The following DCUN1D5 variants were observed in gnomAD, a reference collection of about 807,000 sequenced individuals.
DCUN1D5 encodes the protein DCN1-like protein 5.
DCUN1D5 carries 10 observed loss-of-function variants against 38.3 expected under a neutral mutation model. The ratio of observed to expected loss-of-function variants is 0.26; its 90% confidence interval spans 0.16 to 0.44. The LOEUF is 0.44. Among genes scored for constraint, DCUN1D5 ranks in the 20% least tolerant of loss-of-function variants. The pLI is 1.00. For synonymous variants in DCUN1D5, 93 were observed against 90.9 expected, an observed-to-expected ratio of 1.02 and a Z score of -0.13; for missense variants, 148 against 275.3, an observed-to-expected ratio of 0.54 and a Z score of 3.27.
chr11:103,079,490 G>C (rs916524174), intron 4 of DCUN1D5, among the ~76,000 whole-genome samples: 1 of 152,110 alleles, frequency 6.6e-6, no homozygotes, highest in African/African-American at 2.4e-5. Context: ...CAACACTTTG[G>C]GAGGCCAAGG....
chr11:103,091,894 TG>T lies in DCUN1D5; in HGVS notation c.-23del, dbSNP rs1354227131. ...GCATCTTCCGCCCTCCCCGGCAGGG[TG>T]GGCAGGGGAGCCGGGGAAGGGGGTC... is the stretch of plus-strand genomic sequence containing the variant. On this transcript the variant is annotated 5_prime_UTR_variant, in exon 1 of 8. Coordinates refer to ENST00000260247, the MANE Select transcript of DCUN1D5 (RefSeq NM_032299.4). The surrounding 1 kb of genome is among the most constrained non-coding windows in gnomAD (Gnocchi z 4.3). 6.2e-7 allele frequency: 1 copy of T among 1,606,190 alleles called. No homozygotes were observed. Among genetic ancestry groups the T allele is most frequent in the Non-Finnish European group, 8.5e-7 (1 of 1,175,622 alleles).
In DCUN1D5 at chr11:103,091,222, G is replaced by A. The variant is rs1862856122; in HGVS notation, c.86+565C>T. Among the ~76,000 whole-genome samples the A allele has an allele frequency of 1.3e-5, 2 of 152,090 alleles. No individual in the cohort carries two copies. Among genetic ancestry groups the A allele is most frequent in the South Asian group, 4.2e-4 (2 of 4,804 alleles). On this transcript the variant is annotated intron_variant, in intron 1 of 7. Transcript: ENST00000260247. The surrounding 1 kb of genome is among the most constrained non-coding windows in gnomAD (Gnocchi z 4.3). ...AGGCACTATACTTCCAGAAAATGGG[G>A]CTCCTGCAATTTAAAAGGCCTCCTG...
rs868606251 is a variant in DCUN1D5 at position 103,061,711 on chromosome 11, T to C, written c.*648A>G. ...ATGATACAACTTAATAATACAACTT[T>C]TTTAGAAAACAAAACAACTGGACAT... On this transcript the variant is annotated 3_prime_UTR_variant, in exon 8 of 8. Transcript: ENST00000260247. Among the ~76,000 whole-genome samples, 29 of 152,224 alleles carry C rather than the reference T, an allele frequency of 1.9e-4. No individual in the cohort carries two copies. The highest frequency in any genetic ancestry group is 3.4e-3 in the Middle Eastern group (1 of 294).
At chr11:103,075,747 T>C (rs1024260574) in intron 4 of DCUN1D5, among the ~76,000 whole-genome samples, 4 of 152,208 alleles carry the variant, frequency 2.6e-5, no homozygotes, top group African/African-American at 9.6e-5. Context: ...ACACATTTAG[T>C]AGCCATATTG....
chr11:103,091,629 G>T lies in DCUN1D5; in HGVS notation c.86+158C>A. 3 of 1,352,288 alleles carry T rather than the reference G, an allele frequency of 2.2e-6. No homozygotes were observed. The highest frequency in any genetic ancestry group is 2.0e-6 in the Non-Finnish European group (2 of 976,378). The allele number at this position is 1,352,288 out of a possible 1,614,324, so 83.8% of individuals were successfully genotyped here. On this transcript the variant is annotated intron_variant, in intron 1 of 7. Coordinates refer to ENST00000260247, the MANE Select transcript of DCUN1D5 (RefSeq NM_032299.4). This position sits in a 1 kb window ranked among gnomAD's most constrained non-coding sequence, Gnocchi z 4.3. ...ACTCGAACACGAGGTCGGGTCGGGCGCGGAGACTCGCGGTGTTCGGCACCT... is the reference window on the plus strand; with the variant it reads ...ACTCGAACACGAGGTCGGGTCGGGCTCGGAGACTCGCGGTGTTCGGCACCT...
At chr11:103,074,074 C>T (rs1862344945) in intron 4 of DCUN1D5, among the ~76,000 whole-genome samples, 1 of 151,866 alleles carries the variant, frequency 6.6e-6, no homozygotes, top group Non-Finnish European at 1.5e-5. Context: ...CACTGGAGTG[C>T]AACAGAGTGA....
chr11:103,062,290 C>T lies in DCUN1D5; in HGVS notation c.*69G>A, dbSNP rs1049252. On this transcript the variant is annotated 3_prime_UTR_variant, in exon 8 of 8. Transcript: ENST00000260247. The surrounding 1 kb of genome is among the most constrained non-coding windows in gnomAD (Gnocchi z 4.6). ...GAAAATGCACCCGTTGGATTTTTTT[C>T]CCCCTCATCACATTAGCTTGTATAC... The T allele has an allele frequency of 1.4e-6, 2 of 1,443,792 alleles. No homozygotes were observed. Among genetic ancestry groups the T allele is most frequent in the Non-Finnish European group, 1.9e-6 (2 of 1,037,560 alleles). 89.4% of individuals were successfully genotyped at this position (1,443,792 alleles called of 1,614,324 possible).
At position 103,073,355 on chromosome 11, in the gene DCUN1D5, G is replaced by A. The variant is rs903791854; in HGVS notation, c.342-6788C>T. The stretch of plus-strand genomic sequence containing the variant: ...TAAGAGTATTCAAAGACTCAAAACA[G>A]TAAAAATGTCAATTCTCCCCAAATT... On this transcript the variant is annotated intron_variant, in intron 4 of 7. Transcript: ENST00000260247. This position sits in a 1 kb window ranked among gnomAD's most constrained non-coding sequence, Gnocchi z 4.2. 6.6e-6 allele frequency among the ~76,000 whole-genome samples: 1 copy of A among 152,084 alleles called. No homozygotes were observed. Among genetic ancestry groups the A allele is most frequent in the African/African-American group, 2.4e-5 (1 of 41,400 alleles).
rs189807785 is a variant in DCUN1D5, at chr11:103,058,033, T to C, written c.*4326A>G. 3.1e-3 allele frequency among the ~76,000 whole-genome samples: 477 copies of C among 152,220 alleles called. 1 individual carries two copies. Among genetic ancestry groups the C allele is most frequent in the Non-Finnish European group, 4.7e-3 (319 of 68,012 alleles). ...GCTATTAACTCCCATTTATGGACCA[T>C]AGAGCCAAAAATAAATGCAACAAAG... is the stretch of plus-strand genomic sequence containing the variant. On this transcript the variant is annotated 3_prime_UTR_variant, in exon 8 of 8. Transcript: ENST00000260247.
rs1251114227 is a variant in DCUN1D5, at chr11:103,064,607, A to T, written c.556-230T>A. 6.6e-6 allele frequency among the ~76,000 whole-genome samples: 1 copy of T among 152,032 alleles called. No individual in the cohort carries two copies. Among genetic ancestry groups the T allele is most frequent in the African/African-American group, 2.4e-5 (1 of 41,404 alleles). On this transcript the variant is annotated intron_variant, in intron 6 of 7. Transcript: ENST00000260247. The surrounding 1 kb of genome is among the most constrained non-coding windows in gnomAD (Gnocchi z 4.5). ...AGGAATAATAAGAGCACTGAGTACT[A>T]ACAGTAAGGATAAAACTAACTTTTT...
At chr11:103,067,898 A>G (rs1862172752) in intron 4 of DCUN1D5, among the ~76,000 whole-genome samples, 1 of 152,128 alleles carries the variant, frequency 6.6e-6, no homozygotes, top group Non-Finnish European at 1.5e-5. Flanking sequence ...TGAAAAGAGA[A>G]TTGCTACTTT....
rs1271156121 is a variant in DCUN1D5 at position 103,065,349 on chromosome 11, G to T, written c.555+920C>A. ...TGTGTGTATTTTTAGTAGAGACGGG[G>T]ATTCACCATGTTGGCCAGGCTGGTC... On this transcript the variant is annotated intron_variant, in intron 6 of 7. Transcript: ENST00000260247. The surrounding 1 kb of genome is among the most constrained non-coding windows in gnomAD (Gnocchi z 4.6). Among the ~76,000 whole-genome samples the T allele has an allele frequency of 6.6e-6, 1 of 152,052 alleles. No individual in the cohort carries two copies. The highest frequency in any genetic ancestry group is 1.5e-5 in the Non-Finnish European group (1 of 67,986).
intron 4 of DCUN1D5, among the ~76,000 whole-genome samples, chr11:103,076,028 A>T (rs1862399615): frequency 6.6e-6 from 1 of 152,198 alleles, no homozygotes. Context: ...TATGGAGATG[A>T]AGTCTTCATA....
At position 103,051,259 on chromosome 11, in the gene DCUN1D5, ATTAG is replaced by A; in HGVS notation, c.*11096_*11099del. On this transcript the variant is annotated 3_prime_UTR_variant, in exon 8 of 8. Transcript: ENST00000260247. ...TACTGGTTAAGGAAAAAAATGACTC[ATTAG>A]TAAGTAAAGTGACAAGCAGAACAAA... is the stretch of plus-strand genomic sequence containing the variant. The A allele has an allele frequency of 6.6e-6, 1 of 152,242 alleles. No individual in the cohort carries two copies. Among genetic ancestry groups the A allele is most frequent in the East Asian group, 1.9e-4 (1 of 5,200 alleles). 9.4% of individuals were successfully genotyped at this position (152,242 alleles called of 1,614,324 possible).
Position 103,086,658 on chromosome 11 carries a change from C to G in DCUN1D5, c.178+2569G>C, listed in dbSNP as rs1359839200. Among the ~76,000 whole-genome samples the G allele has an allele frequency of 6.6e-6, 1 of 152,112 alleles. No individual in the cohort carries two copies. Among genetic ancestry groups the G allele is most frequent in the Non-Finnish European group, 1.5e-5 (1 of 68,022 alleles). The stretch of plus-strand genomic sequence containing the variant: ...ACTGACTGTCTTCCTCACCAGAAGG[C>G]AAGTCCCCCAAAGGCAGGGATCTTG... On this transcript the variant is annotated intron_variant, in intron 2 of 7. Transcript: ENST00000260247. This position sits in a 1 kb window ranked among gnomAD's most constrained non-coding sequence, Gnocchi z 4.1.
At position 103,065,691 on chromosome 11, in the gene DCUN1D5, T is replaced by G. The variant is rs1005679099; in HGVS notation, c.555+578A>C. On this transcript the variant is annotated intron_variant, in intron 6 of 7. Transcript: ENST00000260247. This position sits in a 1 kb window ranked among gnomAD's most constrained non-coding sequence, Gnocchi z 4.6. ...ATCTTCTTAGAATCACTGCCTATAGTAGTTGCTATGATAAACCTTCTAAAA... is the reference window on the plus strand; with the variant it reads ...ATCTTCTTAGAATCACTGCCTATAGGAGTTGCTATGATAAACCTTCTAAAA... Among the ~76,000 whole-genome samples, 1 of 152,028 alleles carries G rather than the reference T, an allele frequency of 6.6e-6. No individual in the cohort carries two copies. Among genetic ancestry groups the G allele is most frequent in the Non-Finnish European group, 1.5e-5 (1 of 67,976 alleles).
At chr11:103,074,686 G>C (rs1335475640) in intron 4 of DCUN1D5, among the ~76,000 whole-genome samples, 5 of 152,214 alleles carry the variant, frequency 3.3e-5, no homozygotes, top group Non-Finnish European at 5.9e-5. Context: ...TTACAGGCGT[G>C]AGCCACCATG....
At chr11:103,070,108 T>A (rs1862234403) in intron 4 of DCUN1D5, among the ~76,000 whole-genome samples, 2 of 136,380 alleles carry the variant, frequency 1.5e-5, no homozygotes, top group Middle Eastern at 3.8e-3. Flanking sequence ...AAATATAAAG[T>A]CTCAGCAAAA....
chr11:103,066,685 G>T lies in DCUN1D5; in HGVS notation c.342-118C>A. ...TGAGCGCATTTATGAAGTTAATTTA[G>T]TTTTAAAATTCTGAGTCACAAATTT... On this transcript the variant is annotated intron_variant, in intron 4 of 7. Transcript: ENST00000260247. This position sits in a 1 kb window ranked among gnomAD's most constrained non-coding sequence, Gnocchi z 4.7. 1.8e-6 allele frequency: 1 copy of T among 542,648 alleles called. No individual in the cohort carries two copies. The highest frequency in any genetic ancestry group is 3.1e-6 in the Non-Finnish European group (1 of 319,520). 33.6% of individuals were successfully genotyped at this position (542,648 alleles called of 1,614,324 possible). A position where few individuals can be genotyped will look rare whatever the true frequency, so the allele number is the denominator to read the frequency against.
Sources: allele counts gnomAD v4.1 joint callset (sites outside exome capture counted in the v4.1 genomes callset), GRCh38; gene constraint gnomAD v4.1.1; non-coding constraint Gnocchi (gnomAD v3.1); transcripts MANE v1.5; gene names NCBI Gene and HGNC (gene_info 2026-07-23, HGNC 2026-07-21).